The following SON variants were observed in gnomAD, a reference collection of about 807,000 sequenced individuals.
SON encodes the protein SON DNA and RNA binding protein, also known as protein SON.
In SON, 4 loss-of-function variants were observed where a neutral mutation model predicts 173.3. That is an observed-to-expected ratio of 0.02 (90% CI 0.01 to 0.05). SON has a LOEUF of 0.05. SON is among the 10% of genes least tolerant of loss of function. The pLI is 1.00. For missense variants in SON, 2,626 were observed against 3,055.3 expected (o/e 0.86, Z 3.31); for synonymous variants, 1,190 against 1,105.9 (o/e 1.08, Z -1.51).
rs775353389 is a variant in SON at position 33,551,145 on chromosome 21, G to T, written c.1914G>T (p.Ala638=). The T allele has an allele frequency of 3.3e-5, 54 of 1,613,104 alleles. No homozygotes were observed. The highest frequency in any genetic ancestry group is 4.0e-5 in the Non-Finnish European group (47 of 1,179,450). Reference sequence around the variant, plus strand: ...TGGAGTTGCCAGGGCAGCCTGGGGCGCCAGAGTTGCCTGGGCAGCCTGTGG... The same window carrying T: ...TGGAGTTGCCAGGGCAGCCTGGGGCTCCAGAGTTGCCTGGGCAGCCTGTGG... The part of the protein sequence containing the change: ...GVLELPGQPG[A]PELPGQPVAT... The change falls in exon 3 of 12, where the codon GCG becomes GCT. Residue 638 remains alanine, a synonymous_variant. Coordinates refer to ENST00000356577, the MANE Select transcript of SON (RefSeq NM_138927.4).
chr21:33,571,290 AG>A (rs1451682377), intron 8 of SON, among the ~76,000 whole-genome samples: 4 of 152,248 alleles, frequency 2.6e-5, no homozygotes, highest in Non-Finnish European at 2.9e-5. Flanking sequence ...CTGAAAATTT[AG>A]GATGTATGAT....
At chr21:33,555,730 A>G (rs140205898) in intron 3 of SON, among the ~76,000 whole-genome samples, 1 of 152,348 alleles carries the variant, frequency 6.6e-6, no homozygotes, top group Non-Finnish European at 1.5e-5. Context: ...ATATGCTCAG[A>G]TTGTTATTGT....
rs770003738 is a variant in SON, at chr21:33,543,202, G to A, written c.77+33G>A. On this transcript the variant is annotated intron_variant, in intron 1 of 11. Transcript: ENST00000356577. ...CCTCCCAGATTCTTCTGCTCCCAACGGACCGTTAGGCCCTCACCTAGCCTT... is the reference window on the plus strand; with the variant it reads ...CCTCCCAGATTCTTCTGCTCCCAACAGACCGTTAGGCCCTCACCTAGCCTT... The A allele has an allele frequency of 7.1e-6, 11 of 1,559,242 alleles. No individual in the cohort carries two copies. The East Asian group carries it at 1.3e-4, about 19-fold the overall frequency.
chr21:33,551,620 G>A lies in SON; in HGVS notation c.2389G>A (p.Ala797Thr), dbSNP rs778817781. The change falls in exon 3 of 12, where the codon GCA (alanine) becomes ACA (threonine). Residue 797 changes from alanine to threonine, a missense_variant. Around this residue, in one of 13 missense-constraint regions of SON, gnomAD observed 38 missense variants for 92.1 expected, o/e 0.41. Transcript: ENST00000356577. ...ATSTMDSQML[A>T]TSSMDSQMLA... ...TAGCACTATGGACTCCCAGATGTTA[G>A]CAACCAGTTCCATGGACTCCCAGAT... 3.1e-6 allele frequency: 5 copies of A among 1,611,796 alleles called. No homozygotes were observed. The highest frequency in any genetic ancestry group is 3.3e-5 in the Admixed American group (2 of 59,810).
In SON at chr21:33,554,938, GAAAGAA is replaced by G. The variant is rs745655956; in HGVS notation, c.5719_5724del (p.Lys1907_Arg1908del). 1.6e-5 allele frequency: 26 copies of G among 1,613,918 alleles called. No individual in the cohort carries two copies. The highest frequency in any genetic ancestry group is 2.5e-6 in the Non-Finnish European group (3 of 1,180,010). On this transcript the variant is annotated inframe_deletion, in exon 3 of 12. Coordinates refer to ENST00000356577, the MANE Select transcript of SON (RefSeq NM_138927.4). The stretch of plus-strand genomic sequence containing the variant: ...TCCAAAGCACAGATCCAAGTCTAGG[GAAAGAA>G]AAAGAAAAAGATCAAGCTCCAGGGA...
intron 6 of SON, among the ~76,000 whole-genome samples, chr21:33,561,821 T>G (rs1569063388): frequency 6.6e-6 from 1 of 152,206 alleles, no homozygotes; most frequent in East Asian, 1.9e-4. Context: ...GGTGACATTA[T>G]TTTTTGTTAA....
In SON at chr21:33,551,351, C is replaced by T. The variant is rs2145822366; in HGVS notation, c.2120C>T (p.Pro707Leu). 1 of 1,614,128 alleles carries T rather than the reference C, an allele frequency of 6.2e-7. No individual in the cohort carries two copies. The highest frequency in any genetic ancestry group is 8.5e-7 in the Non-Finnish European group (1 of 1,179,996). Residue 707 changes from proline to leucine, a missense_variant, in exon 3 of 12, where the codon CCC (proline) becomes CTC (leucine). By Grantham distance (98) the Pro-to-Leu change is moderately conservative. Coordinates refer to ENST00000356577, the MANE Select transcript of SON (RefSeq NM_138927.4). ...ACTTCTGTAACAGTAGGAGTGGATC[C>T]CTTGATGGCCCCAGAATCCCATATA... is the stretch of plus-strand genomic sequence containing the variant. ...GETSVTVGVD[P>L]LMAPESHILA...
chr21:33,557,507 G>A (rs1163147383), intron 4 of SON, 191 bp downstream of exon 4: 15 of 1,550,788 alleles, frequency 9.7e-6, no homozygotes, highest in Non-Finnish European at 1.1e-5. Flanking sequence ...GCTAAGCTCC[G>A]CTAGCTAAAA....
rs1353678447 is a variant in SON at position 33,554,121 on chromosome 21, A to T, written c.4890A>T (p.Leu1630Phe). Residue 1630 changes from leucine to phenylalanine, a missense_variant, in exon 3 of 12, where the codon TTA becomes TTT. Leu to Phe is a conservative substitution (Grantham distance 22). This residue lies in a region of SON where 1,006 missense variants were observed against 895.6 expected (regional missense o/e 1.12). Transcript: ENST00000356577. ...LSLVNKYDVD[L>F]SLTTQDTEHD... The stretch of plus-strand genomic sequence containing the variant: ...TAGTTAATAAATATGATGTTGATTT[A>T]TCTTTAACTACTCAAGATACTGAAC... 1 of 1,613,892 alleles carries T rather than the reference A, an allele frequency of 6.2e-7. No individual in the cohort carries two copies. The highest frequency in any genetic ancestry group is 8.5e-7 in the Non-Finnish European group (1 of 1,179,866).
chr21:33,545,855 C>T (rs1364574358), intron 1 of SON, among the ~76,000 whole-genome samples: 1 of 152,174 alleles, frequency 6.6e-6, no homozygotes, highest in Non-Finnish European at 1.5e-5. Context: ...TGTTAGGCCA[C>T]ATGTTTTTCT....
intron 6 of SON, among the ~76,000 whole-genome samples, chr21:33,561,871 A>G (rs2145855994): frequency 6.6e-6 from 1 of 152,346 alleles, no homozygotes; most frequent in East Asian, 1.9e-4. Context: ...CCTAGAAGGT[A>G]AAATTATTTT....
Position 33,553,689 on chromosome 21 carries a change from A to G in SON, c.4458A>G (p.Gly1486=). ...SSIMSSHVMK[G]INLSSGDQNL... ...TCATGTCATCACATGTTATGAAAGG[A>G]ATTAATCTATCCTCTGGTGATCAAA... Residue 1486 remains glycine (G), a synonymous_variant, in exon 3 of 12, where the codon GGA becomes GGG. Transcript: ENST00000356577. The G allele has an allele frequency of 6.2e-7, 1 of 1,614,016 alleles. No individual in the cohort carries two copies. The highest frequency in any genetic ancestry group is 8.5e-7 in the Non-Finnish European group (1 of 1,179,986).
Position 33,576,850 on chromosome 21 carries a change from A to G in SON, c.*426A>G, listed in dbSNP as rs777032414. ...AGAGTAATCTTCAGTGTGGAATGTTAAATAACGCTTTTATACTGTATTTTG... is the reference window on the plus strand; with the variant it reads ...AGAGTAATCTTCAGTGTGGAATGTTGAATAACGCTTTTATACTGTATTTTG... On this transcript the variant is annotated 3_prime_UTR_variant, in exon 12 of 12. Coordinates refer to ENST00000356577, the MANE Select transcript of SON (RefSeq NM_138927.4). The G allele has an allele frequency of 1.6e-4, 52 of 319,316 alleles. No individual in the cohort carries two copies. Among genetic ancestry groups the G allele is most frequent in the South Asian group, 4.1e-4 (15 of 36,812 alleles). The allele number at this position is 319,316 out of a possible 1,614,324, so 19.8% of individuals were successfully genotyped here.
intron 4 of SON, chr21:33,557,699 G>C (rs2085994823): frequency 6.9e-7 from 1 of 1,449,302 alleles, no homozygotes. Context: ...CAAAGACACA[G>C]ACAATCTTCA....
chr21:33,571,805 C>T (rs992753110), intron 8 of SON: 1 of 152,604 alleles, frequency 6.6e-6, no homozygotes, highest in Non-Finnish European at 1.5e-5. Context: ...AAAAGACATT[C>T]TAGGTGTGTA....
chr21:33,543,257 G>T (rs941184001), intron 1 of SON, 88 bp downstream of exon 1: 8 of 1,289,130 alleles, frequency 6.2e-6, no homozygotes, highest in Non-Finnish European at 9.0e-6. Context: ...AGACGCAGTC[G>T]TTCCCCGGCT....
In SON at chr21:33,549,453, AAATT is replaced by A. The variant is rs765945069; in HGVS notation, c.245-18_245-15del. The A allele has an allele frequency of 1.3e-6, 2 of 1,514,620 alleles. No homozygotes were observed. The highest frequency in any genetic ancestry group is 4.5e-5 in the East Asian group (2 of 43,962). 93.8% of individuals were successfully genotyped at this position (1,514,620 alleles called of 1,614,324 possible). ...ACTCTACTTTGGGGAATGTCTGACA[AAATT>A]AATTTCTATTACTTTTAGACTTGAA... On this transcript the variant is annotated intron_variant, in intron 2 of 11. Transcript: ENST00000356577.
In SON at chr21:33,553,498, G is replaced by A. The variant is rs773604050; in HGVS notation, c.4267G>A (p.Ala1423Thr). 1.9e-6 allele frequency: 3 copies of A among 1,614,104 alleles called. No homozygotes were observed. The East Asian group carries it at 6.7e-5, about 36-fold the overall frequency. Reference protein sequence around the residue: ...LEPSVPVLEPAVSVLQPSMIV... With the variant: ...LEPSVPVLEPTVSVLQPSMIV... Reference sequence around the variant, plus strand: ...GCCTTCTGTGCCTGTTCTGGAACCAGCGGTGTCAGTCCTTCAACCTTCTAT... The same window carrying A: ...GCCTTCTGTGCCTGTTCTGGAACCAACGGTGTCAGTCCTTCAACCTTCTAT... The change falls in exon 3 of 12, where the codon GCG becomes ACG. Residue 1423 changes from alanine to threonine, a missense_variant. By Grantham distance (58) the Ala-to-Thr change is moderately conservative (BLOSUM62 0). This residue lies in a region of SON where 1,006 missense variants were observed against 895.6 expected (regional missense o/e 1.12). Coordinates refer to ENST00000356577, the MANE Select transcript of SON (RefSeq NM_138927.4).
intron 8 of SON, among the ~76,000 whole-genome samples, chr21:33,570,466 G>T (rs2086259897): frequency 1.3e-5 from 2 of 152,280 alleles, no homozygotes; most frequent in South Asian, 4.1e-4. Context: ...TTGCACTGAT[G>T]TGTATAGTGA....
Sources: allele counts gnomAD v4.1 joint callset (sites outside exome capture counted in the v4.1 genomes callset), GRCh38; gene constraint gnomAD v4.1.1; regional missense constraint gnomAD v4.1.1; transcripts MANE v1.5; gene names NCBI Gene and HGNC (gene_info 2026-07-23, HGNC 2026-07-21).